The following NLRP5 variants were observed in gnomAD, a reference collection of about 807,000 sequenced individuals.
The protein encoded by NLRP5 is NACHT, LRR and PYD domains-containing protein 5.
Under a neutral mutation model 113.1 loss-of-function variants are expected in NLRP5, and 93 were observed. That is an observed-to-expected ratio of 0.82 (90% confidence interval 0.70 to 0.98). NLRP5 has a LOEUF of 0.98. NLRP5 is among the 50% of genes least tolerant of loss of function. NLRP5 has a pLI of 0.00. For missense variants in NLRP5, 1,808 were observed against 1,514.3 expected, an observed-to-expected ratio of 1.19 and a Z score of -3.22; for synonymous variants, 751 against 600.7, an observed-to-expected ratio of 1.25 and a Z score of -3.66.
chr19:56,048,979 A>ATTTTTTTT (rs60229740), intron 11 of NLRP5, among the ~76,000 whole-genome samples: 3 of 94,976 alleles, frequency 3.2e-5, no homozygotes, highest in African/African-American at 8.7e-5. Context: ...TTTTTTTTTA[A>ATTTTTTTT]TTTTTTTTTT....
chr19:56,054,567 GAAAAAA>G (rs10537523), intron 13 of NLRP5, among the ~76,000 whole-genome samples: 4 of 139,156 alleles, frequency 2.9e-5, no homozygotes, highest in South Asian at 2.3e-4. Context: ...CAAAAAAAGT[GAAAAAA>G]AAAAAAAAAA....
intron 10 of NLRP5, 46 bp from the exon 11 acceptor site, chr19:56,040,876 T>G (rs530762893): frequency 3.2e-6 from 5 of 1,541,564 alleles, no homozygotes; most frequent in Non-Finnish European, 4.4e-6. Flanking sequence ...GATGGAACTT[T>G]AAGAAGGCAT....
Position 56,058,272 on chromosome 19 carries a change from G to A in NLRP5, c.3332G>A (p.Cys1111Tyr). ...GCATGTGGACTGACTTCTGATTGCT[G>A]TGAGGCACTCTCCTTGGCCCTTTCC... The change falls in exon 14 of 15, where the codon TGT (cysteine) becomes TAT (tyrosine). Residue 1111 changes from cysteine (C) to tyrosine (Y), a missense_variant. Physicochemically the swap from Cys to Tyr is radical, Grantham distance 194. Transcript: ENST00000390649. The A allele has an allele frequency of 2.5e-6, 4 of 1,613,926 alleles. No individual in the cohort carries two copies. The highest frequency in any genetic ancestry group is 2.5e-6 in the Non-Finnish European group (3 of 1,179,840).
chr19:56,055,474 A>G (rs932791367), intron 13 of NLRP5, among the ~76,000 whole-genome samples: 1 of 147,158 alleles, frequency 6.8e-6, no homozygotes, highest in Admixed American at 6.8e-5. Flanking sequence ...ATCAAGGCTT[A>G]CTTATCTTAC....
chr19:56,015,454 C>G (rs1982367908), intron 3 of NLRP5, among the ~76,000 whole-genome samples: 1 of 152,174 alleles, frequency 6.6e-6, no homozygotes, highest in African/African-American at 2.4e-5. Flanking sequence ...CCTCGGCCTC[C>G]CAAAGTGCTG....
intron 9 of NLRP5, 104 bp from the exon 10 acceptor site, chr19:56,037,921 G>C: frequency 2.5e-6 from 3 of 1,191,312 alleles, no homozygotes; most frequent in East Asian, 2.5e-5. Context: ...GACAGAGTTC[G>C]AGGACCAGGA....
chr19:56,029,275 TTC>T (rs977959408), intron 7 of NLRP5, among the ~76,000 whole-genome samples: 3 of 152,160 alleles, frequency 2.0e-5, no homozygotes, highest in African/African-American at 7.2e-5. Context: ...TTGTATTTTT[TTC>T]TTTTTTTGAG....
At chr19:56,041,584 A>G (rs1983524538) in intron 11 of NLRP5, among the ~76,000 whole-genome samples, 1 of 152,096 alleles carries the variant, frequency 6.6e-6, no homozygotes, top group Admixed American at 6.6e-5. Context: ...CAAGTGATGG[A>G]CCTCACAGCC....
At position 56,027,575 on chromosome 19, in the gene NLRP5, G is replaced by T. The variant is rs1982914254; in HGVS notation, c.1342G>T (p.Glu448Ter). Reference sequence around the variant, plus strand: ...CTTGCTCCTTGAGCGCGGGATTGGTGAGCATCAGAAGACACAAGGGTTGCG... The same window carrying T: ...CTTGCTCCTTGAGCGCGGGATTGGTTAGCATCAGAAGACACAAGGGTTGCG... The change falls in exon 7 of 15, where the codon GAG becomes TAG. Residue 448 changes from glutamate (E) to a stop codon, truncating the protein, a stop_gained. Transcript: ENST00000390649. LOFTEE classifies it high-confidence loss of function. 1.9e-6 allele frequency: 3 copies of T among 1,613,926 alleles called. No individual in the cohort carries two copies. The South Asian group carries it at 3.3e-5, about 18-fold the overall frequency.
At chr19:56,043,717 C>A (rs139902002) in intron 11 of NLRP5, among the ~76,000 whole-genome samples, 2 of 151,426 alleles carry the variant, frequency 1.3e-5, no homozygotes, top group Non-Finnish European at 2.9e-5. Context: ...GGACTACAGG[C>A]GCCCACCACC....
Position 56,055,537 on chromosome 19 carries a change from C to CTTTTTT in NLRP5, c.3299+1750_3299+1755dup, listed in dbSNP as rs1160965587. On this transcript the variant is annotated intron_variant, in intron 13 of 14. Transcript: ENST00000390649. Reference sequence around the variant, plus strand: ...CCATGTTCTATTTTTCTTTCTCTGTCTTTTTTTTTTTTTTTTTTTTTTTTT... The same window carrying CTTTTTT: ...CCATGTTCTATTTTTCTTTCTCTGTCTTTTTTTTTTTTTTTTTTTTTTTTTTTTTTT... Among the ~76,000 whole-genome samples the CTTTTTT allele has an allele frequency of 2.1e-3, 161 of 76,446 alleles. 18 individuals carry two copies. The highest frequency in any genetic ancestry group is 7.7e-3 in the African/African-American group (151 of 19,546). The allele number at this position is 76,446 out of a possible 152,430, so 50.2% of individuals were successfully genotyped here.
chr19:56,027,218 GAGAGC>G lies in NLRP5; in HGVS notation c.988_992del (p.Ser330CysfsTer31). 1 of 1,612,328 alleles carries G rather than the reference GAGAGC, an allele frequency of 6.2e-7. No homozygotes were observed. The highest frequency in any genetic ancestry group is 8.5e-7 in the Non-Finnish European group (1 of 1,179,390). Reference sequence around the variant, plus strand: ...CGTTAGAGAGATGCAGCGGAAGAAGGAGAGCAGTGTCACAGAGTTCATCTCCAGGG... The same window carrying G: ...CGTTAGAGAGATGCAGCGGAAGAAGGAGTGTCACAGAGTTCATCTCCAGGG... On this transcript the variant is annotated frameshift_variant, in exon 7 of 15. Coordinates refer to ENST00000390649, the MANE Select transcript of NLRP5 (RefSeq NM_153447.4). LOFTEE classifies it high-confidence loss of function.
intron 7 of NLRP5, among the ~76,000 whole-genome samples, chr19:56,031,098 G>T (rs1488162301): frequency 1.6e-5 from 2 of 128,054 alleles, no homozygotes; most frequent in African/African-American, 5.2e-5. Context: ...AGACACGTGG[G>T]AAGGTATAAA....
chr19:56,058,192 T>TC, intron 13 of NLRP5, 48 bp from the exon 14 acceptor site: 1 of 1,423,608 alleles, frequency 7.0e-7, no homozygotes, highest in African/African-American at 1.4e-5. Flanking sequence ...GAATGAAGGG[T>TC]CCATCATCGA....
intron 10 of NLRP5, among the ~76,000 whole-genome samples, chr19:56,039,884 AG>A (rs1983455680): frequency 6.6e-6 from 1 of 152,134 alleles, no homozygotes; most frequent in Admixed American, 6.5e-5. Flanking sequence ...ATTGCACTCC[AG>A]CCTGGGCAAC....
chr19:56,027,738 A>G lies in NLRP5; in HGVS notation c.1505A>G (p.His502Arg), dbSNP rs1212989599. ...TTCAACCAAACGCTCACAGGCCTGC[A>G]CGCCGCTTTTGTGTTTCATCAGCTC... The change falls in exon 7 of 15, where the codon CAC (histidine) becomes CGC (arginine). Residue 502 changes from histidine (H) to arginine (R), a missense_variant. Physicochemically the swap from His to Arg is conservative, Grantham distance 29. Coordinates refer to ENST00000390649, the MANE Select transcript of NLRP5 (RefSeq NM_153447.4). The G allele has an allele frequency of 6.2e-7, 1 of 1,613,852 alleles. No individual in the cohort carries two copies. The highest frequency in any genetic ancestry group is 2.2e-5 in the East Asian group (1 of 44,864).
chr19:55,999,395 T>C (rs911940220), upstream of NLRP5, among the ~76,000 whole-genome samples: 8 of 151,938 alleles, frequency 5.3e-5, no homozygotes, highest in African/African-American at 1.7e-4. Context: ...TTTGTATTTT[T>C]AGTAGAAATG....
At chr19:56,005,235 A>T (rs1306051671) in intron 2 of NLRP5, among the ~76,000 whole-genome samples, 1 of 142,592 alleles carries the variant, frequency 7.0e-6, no homozygotes, top group Non-Finnish European at 1.5e-5. Flanking sequence ...ATATATTTTT[A>T]TATATACACA....
chr19:56,049,663 T>C (rs941153591), intron 11 of NLRP5, among the ~76,000 whole-genome samples: 6 of 152,172 alleles, frequency 3.9e-5, no homozygotes, highest in Non-Finnish European at 8.8e-5. Context: ...TTCCAGACCA[T>C]TTCACATTTC....
Sources: gnomAD v4.1 joint callset for allele counts (sites outside exome capture counted in the v4.1 genomes callset) on GRCh38, gnomAD v4.1.1 for gene constraint, MANE v1.5 for transcripts, NCBI Gene and HGNC (gene_info 2026-07-23, HGNC 2026-07-21) for gene names.